C14orf132: variants seen among roughly 807,000 people sequenced by gnomAD.
C14orf132 encodes the protein uncharacterized protein C14orf132.
A neutral mutation model predicts 5.8 loss-of-function variants in C14orf132; 6 were observed. The ratio of observed to expected loss-of-function variants is 1.03; its 90% CI spans 0.57 to 2.04. C14orf132 has a LOEUF of 2.04. C14orf132 is among the 30% of genes most tolerant of loss of function. C14orf132 has a pLI of 0.00. For missense variants in C14orf132, 125 were observed against 115.8 expected (o/e 1.08, Z -0.37); for synonymous variants, 51 against 49.8 (o/e 1.02, Z -0.10).
intron 1 of C14orf132, among the ~76,000 whole-genome samples, chr14:96,075,754 A>G (rs934369003): frequency 3.3e-5 from 5 of 152,094 alleles, no homozygotes; most frequent in Non-Finnish European, 7.4e-5. Context: ...TGGATGTTGA[A>G]TATTTGAATG....
intron 1 of C14orf132, among the ~76,000 whole-genome samples, chr14:96,041,462 AG>A (rs1566820735): frequency 6.6e-6 from 1 of 152,230 alleles, no homozygotes; most frequent in Non-Finnish European, 1.5e-5. Flanking sequence ...ATACGATGTA[AG>A]GTACAGGACA....
At chr14:96,049,646 A>ATATACATATATACG (rs1566823950) in intron 1 of C14orf132, among the ~76,000 whole-genome samples, 24 of 79,152 alleles carry the variant, frequency 3.0e-4, no homozygotes, top group South Asian at 1.0e-3. Context: ...ATACGTATAT[A>ATATACATATATACG]TATATATAGA....
chr14:96,047,953 C>T (rs947935388), intron 1 of C14orf132, among the ~76,000 whole-genome samples: 7 of 152,062 alleles, frequency 4.6e-5, no homozygotes, highest in African/African-American at 1.4e-4. Context: ...TTTGGGAGGC[C>T]GAGGCAGGTG....
intron 1 of C14orf132, among the ~76,000 whole-genome samples, chr14:96,067,171 T>C (rs1887556191): frequency 6.6e-6 from 1 of 152,136 alleles, no homozygotes; most frequent in Non-Finnish European, 1.5e-5. Flanking sequence ...TGAGCATAGA[T>C]AGAGGGACCT....
intron 1 of C14orf132, among the ~76,000 whole-genome samples, chr14:96,072,645 C>T (rs1182242746): frequency 6.6e-6 from 1 of 152,168 alleles, no homozygotes; most frequent in Non-Finnish European, 1.5e-5. Context: ...CCTCTTGCTG[C>T]CTCTTGCGGT....
Position 96,049,640 on chromosome 14 carries a change from G to GTATATA in C14orf132, c.27+10122_27+10127dup, listed in dbSNP as rs1215535804. Among the ~76,000 whole-genome samples the GTATATA allele has an allele frequency of 7.4e-4, 33 of 44,560 alleles. 4 individuals carry two copies. Among genetic ancestry groups the GTATATA allele is most frequent in the Middle Eastern group, 0.015 (1 of 66 alleles). 29.2% of individuals were successfully genotyped at this position (44,560 alleles called of 152,430 possible). ...TATACGTATATATATACATATATAC[G>GTATATA]TATATATATATATAGAGAGAGAGAG... On this transcript the variant is annotated intron_variant, in intron 1 of 1. Coordinates refer to ENST00000555004, the MANE Select transcript of C14orf132 (RefSeq NM_001252507.3).
At chr14:96,069,615 C>G (rs1887645585) in intron 1 of C14orf132, among the ~76,000 whole-genome samples, 1 of 151,920 alleles carries the variant, frequency 6.6e-6, no homozygotes, top group African/African-American at 2.4e-5. Flanking sequence ...AGGCAGGAGG[C>G]TTTTGAAGGC....
intron 1 of C14orf132, among the ~76,000 whole-genome samples, chr14:96,060,236 G>T (rs1279884973): frequency 6.6e-6 from 1 of 152,180 alleles, no homozygotes; most frequent in Non-Finnish European, 1.5e-5. Flanking sequence ...ACAGGACACA[G>T]GGCTGGTATG....
At chr14:96,074,747 C>T (rs1188056849) in intron 1 of C14orf132, among the ~76,000 whole-genome samples, 1 of 151,938 alleles carries the variant, frequency 6.6e-6, no homozygotes, top group African/African-American at 2.4e-5. Context: ...TTATGTGCAT[C>T]TCATTTCTGG....
chr14:96,049,472 A>ATG (rs1566823542), intron 1 of C14orf132, among the ~76,000 whole-genome samples: 2 of 146,576 alleles, frequency 1.4e-5, no homozygotes, highest in African/African-American at 5.0e-5. Flanking sequence ...ATATATATAT[A>ATG]TGTGTATATA....
chr14:96,048,580 A>G (rs781714454), intron 1 of C14orf132, among the ~76,000 whole-genome samples: 1 of 151,998 alleles, frequency 6.6e-6, no homozygotes, highest in Non-Finnish European at 1.5e-5. Flanking sequence ...GCTGGAGTGC[A>G]GTGGCGTGAT....
In C14orf132 at chr14:96,093,046, A is replaced by G. The variant is rs1361846282; in HGVS notation, c.*6311A>G. ...GATTCTGAAACTATGCATGCTTTCC[A>G]CTTTTCCCCATTTGTGAGTCATTGA... is the stretch of plus-strand genomic sequence containing the variant. On this transcript the variant is annotated 3_prime_UTR_variant, in exon 2 of 2. Coordinates refer to ENST00000555004, the MANE Select transcript of C14orf132 (RefSeq NM_001252507.3). The G allele has an allele frequency of 1.3e-5, 2 of 152,202 alleles. No homozygotes were observed. Among genetic ancestry groups the G allele is most frequent in the African/African-American group, 4.8e-5 (2 of 41,450 alleles). 9.4% of individuals were successfully genotyped at this position (152,202 alleles called of 1,614,324 possible).
At chr14:96,069,930 T>C (rs2139668346) in intron 1 of C14orf132, among the ~76,000 whole-genome samples, 1 of 152,366 alleles carries the variant, frequency 6.6e-6, no homozygotes, top group Admixed American at 6.5e-5. Flanking sequence ...TTCAAACCTG[T>C]GCTCATTAGC....
chr14:96,052,729 A>G (rs1485299063), intron 1 of C14orf132, among the ~76,000 whole-genome samples: 1 of 141,468 alleles, frequency 7.1e-6, no homozygotes, highest in South Asian at 2.2e-4. Context: ...CAAACTCCCC[A>G]GTCCCCAGCG....
intron 1 of C14orf132, among the ~76,000 whole-genome samples, chr14:96,068,222 T>A (rs1290984625): frequency 6.6e-6 from 1 of 152,176 alleles, no homozygotes; most frequent in East Asian, 1.9e-4. Flanking sequence ...GAAAGCTTAA[T>A]GAAAGAGCAG....
At chr14:96,066,121 G>T (rs183841535) in intron 1 of C14orf132, among the ~76,000 whole-genome samples, 1 of 152,194 alleles carries the variant, frequency 6.6e-6, no homozygotes, top group Non-Finnish European at 1.5e-5. Flanking sequence ...TCTCAAACAG[G>T]CCTTGGCTGT....
rs569216584 is a variant in C14orf132, at chr14:96,084,878, A to G, written c.28-1633A>G. ...GGAGTCCATCAGAAGCAGATGCTCA[A>G]GGGCCACCTGGTGACCTGGTAATGG... On this transcript the variant is annotated intron_variant, in intron 1 of 1. Transcript: ENST00000555004. 5.9e-5 allele frequency among the ~76,000 whole-genome samples: 9 copies of G among 152,292 alleles called. No individual in the cohort carries two copies. In the South Asian group the frequency reaches 8.3e-4, roughly 14 times the overall value.
chr14:96,047,198 A>G (rs1173138489), intron 1 of C14orf132, among the ~76,000 whole-genome samples: 1 of 152,238 alleles, frequency 6.6e-6, no homozygotes, highest in African/African-American at 2.4e-5. Flanking sequence ...GAGAGGGTAT[A>G]AGGCCACATT....
At chr14:96,050,742 G>A (rs566624682) in intron 1 of C14orf132, among the ~76,000 whole-genome samples, 76 of 151,978 alleles carry the variant, frequency 5.0e-4, no homozygotes, top group African/African-American at 1.7e-3. Flanking sequence ...GCAGTAAACC[G>A]GAGCACCTGT....
Sources: allele counts gnomAD v4.1 joint callset (sites outside exome capture counted in the v4.1 genomes callset), GRCh38; gene constraint gnomAD v4.1.1; transcripts MANE v1.5; gene names NCBI Gene and HGNC (gene_info 2026-07-23, HGNC 2026-07-21).